CENPC: variants seen among roughly 807,000 people sequenced by gnomAD.
CENPC encodes the protein centromere protein C.
CENPC carries 63 observed loss-of-function variants against 112.1 expected under a neutral mutation model. The observed-to-expected ratio is 0.56, with a 90% confidence interval of 0.46 to 0.69. The LOEUF (loss-of-function observed/expected upper bound fraction) is 0.69, where lower values mean the gene tolerates loss of function less well. Ranked by LOEUF, CENPC falls within the 30% of genes least tolerant of loss-of-function variation. The pLI is 0.00. For missense variants in CENPC, 1,000 were observed against 1,103.8 expected (o/e 0.91, Z 1.33); for synonymous variants, 333 against 367.6 (o/e 0.91, Z 1.08).
intron 4 of CENPC, among the ~76,000 whole-genome samples, chr4:67,538,272 T>C (rs1726784757): frequency 6.6e-6 from 1 of 152,242 alleles, no homozygotes. Flanking sequence ...CATATTATTA[T>C]CTTCATTCAG....
intron 4 of CENPC, among the ~76,000 whole-genome samples, chr4:67,535,428 G>A (rs1314116654): frequency 3.3e-5 from 5 of 151,604 alleles, no homozygotes; most frequent in Non-Finnish European, 5.9e-5. Context: ...ATAGGTCTAA[G>A]GGTAGATTGA....
At chr4:67,497,356 C>A (rs186139323) in intron 12 of CENPC, among the ~76,000 whole-genome samples, 1 of 151,562 alleles carries the variant, frequency 6.6e-6, no homozygotes, top group Non-Finnish European at 1.5e-5. Context: ...CCACTCTGGG[C>A]GACAGAGGGA....
At chr4:67,508,753 G>A in intron 10 of CENPC, 61 bp downstream of exon 10, 3 of 1,491,738 alleles carry the variant, frequency 2.0e-6, no homozygotes, top group Non-Finnish European at 1.8e-6. Flanking sequence ...TGACTAAATA[G>A]CACAAATTAT....
chr4:67,492,881 T>C lies in CENPC; in HGVS notation c.2407A>G (p.Asn803Asp), dbSNP rs368088165. 1.1e-4 allele frequency: 175 copies of C among 1,565,430 alleles called. No homozygotes were observed. The highest frequency in any genetic ancestry group is 1.4e-4 in the Non-Finnish European group (160 of 1,151,224). Reference protein sequence around the residue: ...KSNKKRICLDNDERKTNLMVN... With the variant: ...KSNKKRICLDDDERKTNLMVN... The stretch of plus-strand genomic sequence containing the variant: ...AATAAGTTCATACTTCTTTCATCGT[T>C]ATCAAGACAGATCCTTTTCTTATTA... The change falls in exon 15 of 19, where the codon AAC (asparagine) becomes GAC (aspartate). Residue 803 changes from asparagine to aspartate, a missense_variant. By Grantham distance (23) the Asn-to-Asp change is conservative. Transcript: ENST00000273853.
intron 5 of CENPC, among the ~76,000 whole-genome samples, chr4:67,521,134 C>A (rs1474609041): frequency 6.6e-6 from 1 of 151,196 alleles, no homozygotes; most frequent in Non-Finnish European, 1.5e-5. Context: ...GTCTAAGAAT[C>A]CCCTAACATA....
Position 67,544,181 on chromosome 4 carries a change from AT to A in CENPC, c.32del (p.Asn11MetfsTer56). The A allele has an allele frequency of 2.6e-6, 4 of 1,558,694 alleles. No individual in the cohort carries two copies. Among genetic ancestry groups the A allele is most frequent in the Non-Finnish European group, 3.5e-6 (4 of 1,130,956 alleles). The part of the protein sequence containing the change: MAASGLDHLK[N>X]GYRRRFCRPS... ...GTCGACAAAATCTTCTTCTGTAGCC[AT>A]TTTTGAGATGATCCTGAAAGAAAAG... On this transcript the variant is annotated frameshift_variant, in exon 2 of 19. Transcript: ENST00000273853. LOFTEE classifies it high-confidence loss of function.
Position 67,544,207 on chromosome 4 carries a change from G to A in CENPC, c.19-12C>T, listed in dbSNP as rs1364161959. The A allele has an allele frequency of 2.0e-6, 3 of 1,511,022 alleles. No homozygotes were observed. The highest frequency in any genetic ancestry group is 2.8e-6 in the Non-Finnish European group (3 of 1,089,378). 93.6% of individuals were successfully genotyped at this position (1,511,022 alleles called of 1,614,324 possible). On this transcript the variant is annotated splice_polypyrimidine_tract_variant and intron_variant, in intron 1 of 18. Coordinates refer to ENST00000273853, the MANE Select transcript of CENPC (RefSeq NM_001812.4). ...TTTTTGAGATGATCCTGAAAGAAAA[G>A]TAAATCATCAATTTGGTTTCTTTAA...
chr4:67,510,356 C>T (rs186805485), intron 9 of CENPC, among the ~76,000 whole-genome samples: 1 of 152,300 alleles, frequency 6.6e-6, no homozygotes. Context: ...GAAGCTTTCC[C>T]TAATTTCCAA....
At chr4:67,517,664 C>A (rs1282969422) in intron 7 of CENPC, among the ~76,000 whole-genome samples, 1 of 151,684 alleles carries the variant, frequency 6.6e-6, no homozygotes, top group Non-Finnish European at 1.5e-5. Flanking sequence ...ATGGGGATAT[C>A]CCATCTCTAC....
intron 2 of CENPC, among the ~76,000 whole-genome samples, chr4:67,541,398 CAT>C: frequency 6.6e-6 from 1 of 152,312 alleles, no homozygotes; most frequent in African/African-American, 2.4e-5. Context: ...TTTACAGTCA[CAT>C]CTCCAAGTAA....
Position 67,469,715 on chromosome 4 carries a change from T to C in CENPC, c.*2890A>G, listed in dbSNP as rs979710081. ...CAAAGTAGGCAGGACTGTGATTCTTTAAAGACATGAAATTAACTCCATAGT... is the reference window on the plus strand; with the variant it reads ...CAAAGTAGGCAGGACTGTGATTCTTCAAAGACATGAAATTAACTCCATAGT... On this transcript the variant is annotated 3_prime_UTR_variant, in exon 19 of 19. Coordinates refer to ENST00000273853, the MANE Select transcript of CENPC (RefSeq NM_001812.4). 1.6e-4 allele frequency: 24 copies of C among 152,182 alleles called. No homozygotes were observed. Among genetic ancestry groups the C allele is most frequent in the African/African-American group, 5.3e-4 (22 of 41,446 alleles). 9.4% of individuals were successfully genotyped at this position (152,182 alleles called of 1,614,324 possible).
At chr4:67,528,846 T>C (rs7434541) in intron 5 of CENPC, among the ~76,000 whole-genome samples, 32,226 of 152,092 alleles carry the variant, frequency 0.21, 4,149 homozygotes, top group Middle Eastern at 0.36. Context: ...AGGAGGGAAG[T>C]ATTGGGTCAT....
At chr4:67,530,780 T>C (rs1265534028) in intron 5 of CENPC, 35 bp downstream of exon 5, 7 of 1,088,630 alleles carry the variant, frequency 6.4e-6, no homozygotes, top group Non-Finnish European at 9.3e-6. Flanking sequence ...TTTAAATATA[T>C]CCAAGCAAAT....
chr4:67,475,626 T>C (rs553471475), intron 17 of CENPC, among the ~76,000 whole-genome samples: 25 of 152,122 alleles, frequency 1.6e-4, no homozygotes, highest in Non-Finnish European at 3.2e-4. Context: ...TGAGATGGAG[T>C]CTCACTCTGT....
chr4:67,502,286 T>C (rs1413433885), intron 12 of CENPC, among the ~76,000 whole-genome samples: 2 of 152,142 alleles, frequency 1.3e-5, no homozygotes, highest in Non-Finnish European at 2.9e-5. Flanking sequence ...AGTGTATATA[T>C]ATTAAACAAT....
At chr4:67,514,935 AC>A (rs1726016190) in intron 7 of CENPC, among the ~76,000 whole-genome samples, 1 of 39,274 alleles carries the variant, frequency 2.5e-5, no homozygotes. Context: ...ATTTGATCCC[AC>A]CCACCCACCC....
intron 1 of CENPC, among the ~76,000 whole-genome samples, chr4:67,544,510 T>C (rs143316702): frequency 2.6e-3 from 389 of 152,310 alleles, no homozygotes; most frequent in African/African-American, 8.9e-3. Flanking sequence ...TATTCTTTCA[T>C]ACAACTCTTT....
In CENPC at chr4:67,514,410, C is replaced by A; in HGVS notation, c.1108G>T (p.Val370Leu). 6.8e-6 allele frequency: 11 copies of A among 1,613,646 alleles called. No homozygotes were observed. The highest frequency in any genetic ancestry group is 9.3e-6 in the Non-Finnish European group (11 of 1,179,846). The change falls in exon 8 of 19, where the codon GTA becomes TTA. Residue 370 changes from valine to leucine, a missense_variant. Physicochemically the swap from Val to Leu is conservative, Grantham distance 32. Coordinates refer to ENST00000273853, the MANE Select transcript of CENPC (RefSeq NM_001812.4). ...TTATCAGAGGGCTGAGATGTCTCTA[C>A]TGGGTGAGGTTTATGGGAATGTTTG... is the stretch of plus-strand genomic sequence containing the variant. Reference protein sequence around the residue: ...NDKHSHKPHPVETSQPSDKTV... With the variant: ...NDKHSHKPHPLETSQPSDKTV...
Position 67,540,980 on chromosome 4 carries a change from T to A in CENPC, c.136A>T (p.Ser46Cys). Residue 46 changes from serine to cysteine, a missense_variant and splice_region_variant, in exon 3 of 19, where the codon AGT (serine) becomes TGT (cysteine). Coordinates refer to ENST00000273853, the MANE Select transcript of CENPC (RefSeq NM_001812.4). Reference protein sequence around the residue: ...EILQDCFEEKSLANDFSTNST... With the variant: ...EILQDCFEEKCLANDFSTNST... ...ATTCCATCTTGAAATGAAGCCTTAC[T>A]TTTTTCTTCAAAACAGTCTTGTAAG... 6.2e-7 allele frequency: 1 copy of A among 1,602,284 alleles called. No homozygotes were observed.
Sources: gnomAD v4.1 joint callset for allele counts (sites outside exome capture counted in the v4.1 genomes callset) on GRCh38, gnomAD v4.1.1 for gene constraint, MANE v1.5 for transcripts, NCBI Gene and HGNC (gene_info 2026-07-23, HGNC 2026-07-21) for gene names.